The following SLC20A2 variants were observed in gnomAD, a reference collection of about 807,000 sequenced individuals.
SLC20A2 encodes the protein solute carrier family 20 member 2, also known as sodium-dependent phosphate transporter 2.
SLC20A2 carries 30 observed loss-of-function variants against 61.0 expected under a neutral mutation model. The observed-to-expected ratio is 0.49, with a 90% confidence interval of 0.37 to 0.67. The LOEUF is 0.67. Among genes scored for constraint, SLC20A2 ranks in the 30% least tolerant of loss-of-function variants. The probability of loss-of-function intolerance (pLI) is 0.00; values close to 1 mark genes in which losing one functional copy is unlikely to be tolerated. For missense variants in SLC20A2, 626 were observed against 866.4 expected (o/e 0.72, Z 3.48); for synonymous variants, 351 against 353.3 (o/e 0.99, Z 0.07).
intron 10 of SLC20A2, among the ~76,000 whole-genome samples, chr8:42,428,204 A>G (rs1803558989): frequency 6.6e-6 from 1 of 152,218 alleles, no homozygotes. Flanking sequence ...CATGACCAGG[A>G]GCCCTCTCTT....
At chr8:42,458,837 A>G (rs1806429640) in intron 5 of SLC20A2, among the ~76,000 whole-genome samples, 1 of 151,684 alleles carries the variant, frequency 6.6e-6, no homozygotes, top group Non-Finnish European at 1.5e-5. Context: ...TGAACCCAGG[A>G]GGCGGAGCTT....
Position 42,439,584 on chromosome 8 carries a change from T to C in SLC20A2, c.800A>G (p.Glu267Gly), listed in dbSNP as rs1804609449. 1.3e-5 allele frequency: 21 copies of C among 1,614,222 alleles called. No homozygotes were observed. Among genetic ancestry groups the C allele is most frequent in the Non-Finnish European group, 1.8e-5 (21 of 1,180,006 alleles). Residue 267 changes from glutamate (E) to glycine (G), a missense_variant, in exon 7 of 11, where the codon GAG (glutamate) becomes GGG (glycine). Around this residue, in one of 3 missense-constraint regions of SLC20A2, gnomAD observed 361 missense variants for 422.3 expected, o/e 0.85. Transcript: ENST00000520262. ...TGGTAGCTCTTTAAATACTGGGGAC[T>C]CTGCTTCCTGAACCTTACTGAGGCT... is the stretch of plus-strand genomic sequence containing the variant. ...DESLSKVQEAESPVFKELPGA... is the reference protein window; with the variant it reads ...DESLSKVQEAGSPVFKELPGA...
chr8:42,484,388 G>C (rs1293889828), intron 1 of SLC20A2, among the ~76,000 whole-genome samples: 2 of 152,200 alleles, frequency 1.3e-5, no homozygotes, highest in Non-Finnish European at 2.9e-5. Context: ...TGGAGACTGA[G>C]AGTGAAATCT....
chr8:42,484,086 A>G (rs771289323), intron 1 of SLC20A2, among the ~76,000 whole-genome samples: 1 of 152,220 alleles, frequency 6.6e-6, no homozygotes, highest in Non-Finnish European at 1.5e-5. Context: ...ACAGCCCCAT[A>G]TTTCTTGTTA....
At chr8:42,534,863 G>A (rs1446080506) in intron 1 of SLC20A2, 1 of 152,146 alleles carries the variant, frequency 6.6e-6, no homozygotes, top group Non-Finnish European at 1.5e-5. Context: ...TTCTCCCACT[G>A]TTGTTACCTC....
intron 2 of SLC20A2, among the ~76,000 whole-genome samples, chr8:42,470,789 C>A (rs1026555960): frequency 2.6e-5 from 4 of 151,746 alleles, no homozygotes; most frequent in African/African-American, 9.7e-5. Context: ...GCCTGGCCAA[C>A]ATGGTGAAAC....
At chr8:42,514,347 CAG>C (rs1811198198) in intron 1 of SLC20A2, among the ~76,000 whole-genome samples, 1 of 152,260 alleles carries the variant, frequency 6.6e-6, no homozygotes, top group Non-Finnish European at 1.5e-5. Context: ...AGATTAGAAA[CAG>C]AGACTAGGGG....
At chr8:42,513,697 A>G (rs1811152506) in intron 1 of SLC20A2, among the ~76,000 whole-genome samples, 1 of 152,192 alleles carries the variant, frequency 6.6e-6, no homozygotes, top group Non-Finnish European at 1.5e-5. Flanking sequence ...AGTGCTTGAG[A>G]AAAGAAATGA....
rs770802797 is a variant in SLC20A2 at position 42,428,709 on chromosome 8, G to A, written c.1794+49C>T. 5 of 1,546,522 alleles carry A rather than the reference G, an allele frequency of 3.2e-6. No homozygotes were observed. In the Admixed American group the frequency reaches 7.2e-5, roughly 22 times the overall value. On this transcript the variant is annotated intron_variant, in intron 10 of 10. Coordinates refer to ENST00000520262, the MANE Select transcript of SLC20A2 (RefSeq NM_001257180.2). ...CCTTGCATGCGCTCCGGTGGCCCTG[G>A]ACCTGTCCCAGCGGCCTGGGGAAGG...
rs578033180 is a variant in SLC20A2 at position 42,474,360 on chromosome 8, G to A, written c.-264-1706C>T. On this transcript the variant is annotated intron_variant, in intron 1 of 10. Coordinates refer to ENST00000520262, the MANE Select transcript of SLC20A2 (RefSeq NM_001257180.2). ...ATCTACAAACATATTGAGCATCATC[G>A]ATGTGCAATGCTATAGGCACACAAT... 3.0e-4 allele frequency among the ~76,000 whole-genome samples: 45 copies of A among 151,936 alleles called. No individual in the cohort carries two copies. In the South Asian group the frequency reaches 8.1e-3, roughly 27 times the overall value.
At chr8:42,418,068 T>C in intron 10 of SLC20A2, 101 bp from the exon 11 acceptor site, 1 of 884,630 alleles carries the variant, frequency 1.1e-6, no homozygotes. Context: ...TAGTACAACA[T>C]TACCCAGTCC....
chr8:42,451,473 AGAG>A (rs1212243705), intron 5 of SLC20A2, among the ~76,000 whole-genome samples: 4 of 145,102 alleles, frequency 2.8e-5, no homozygotes, highest in African/African-American at 7.7e-5. Flanking sequence ...GAAGAGATAA[AGAG>A]GAGGAGGAAG....
chr8:42,448,411 G>A (rs1375292571), intron 5 of SLC20A2, among the ~76,000 whole-genome samples: 2 of 152,196 alleles, frequency 1.3e-5, no homozygotes, highest in African/African-American at 4.8e-5. Context: ...AAGTCAAGAA[G>A]GGCTACTTGA....
chr8:42,444,579 A>C (rs1177116002), intron 6 of SLC20A2, 67 bp downstream of exon 6: 1 of 1,152,162 alleles, frequency 8.7e-7, no homozygotes, highest in Non-Finnish European at 1.3e-6. Context: ...GGATCATGGC[A>C]TGTTACATGT....
At chr8:42,434,535 T>G (rs1804096515) in intron 8 of SLC20A2, among the ~76,000 whole-genome samples, 2 of 152,170 alleles carry the variant, frequency 1.3e-5, no homozygotes, top group Admixed American at 1.3e-4. Context: ...TGAAACTGGA[T>G]TCCAATTTGG....
At chr8:42,451,682 G>A (rs1461793052) in intron 5 of SLC20A2, among the ~76,000 whole-genome samples, 1 of 131,854 alleles carries the variant, frequency 7.6e-6, no homozygotes, top group African/African-American at 2.9e-5. Flanking sequence ...AAGAGATGAA[G>A]AGGAGGGGGA....
At chr8:42,518,138 C>T (rs1429987328) in intron 1 of SLC20A2, among the ~76,000 whole-genome samples, 1 of 151,826 alleles carries the variant, frequency 6.6e-6, no homozygotes, top group East Asian at 1.9e-4. Flanking sequence ...GATGGGGTTT[C>T]GCCTTGTTAG....
intron 1 of SLC20A2, among the ~76,000 whole-genome samples, chr8:42,489,425 T>C (rs779727781): frequency 2.6e-5 from 4 of 152,030 alleles, no homozygotes; most frequent in Non-Finnish European, 5.9e-5. Flanking sequence ...CAGTCTCCAC[T>C]GTCTGCCCCC....
In SLC20A2 at chr8:42,437,177, G is replaced by A. The variant is rs1345806437; in HGVS notation, c.1335C>T (p.Ile445=). 1 of 1,613,524 alleles carries A rather than the reference G, an allele frequency of 6.2e-7. No homozygotes were observed. Among genetic ancestry groups the A allele is most frequent in the Admixed American group, 1.7e-5 (1 of 60,022 alleles). The part of the protein sequence containing the change: ...SYCNAVAEAE[I]EAEEGGVEMK... ...TCTCCACGCCGCCCTCCTCCGCCTC[G>A]ATCTCCGCCTCTGCCACCGCGTTAC... Residue 445 remains isoleucine, a synonymous_variant, in exon 8 of 11, where the codon ATC becomes ATT. Coordinates refer to ENST00000520262, the MANE Select transcript of SLC20A2 (RefSeq NM_001257180.2). The surrounding 1 kb of genome is among the most constrained non-coding windows in gnomAD (Gnocchi z 6.4).
Sources: gnomAD v4.1 joint callset for allele counts (sites outside exome capture counted in the v4.1 genomes callset) on GRCh38, gnomAD v4.1.1 for gene constraint, gnomAD v4.1.1 regional missense constraint, Gnocchi (gnomAD v3.1) non-coding constraint, MANE v1.5 for transcripts, NCBI Gene and HGNC (gene_info 2026-07-23, HGNC 2026-07-21) for gene names.